Variants in INTS4 observed in about 807,000 individuals in gnomAD.
INTS4 encodes the protein integrator complex subunit 4.
INTS4 carries 70 observed loss-of-function variants against 119.5 expected under a neutral mutation model. The ratio of observed to expected loss-of-function variants is 0.59; its 90% CI spans 0.48 to 0.71. INTS4 has a LOEUF of 0.71. INTS4 is among the 30% of genes least tolerant of loss of function. The probability of loss-of-function intolerance (pLI) is 0.00; values close to 1 mark genes in which losing one functional copy is unlikely to be tolerated. For synonymous variants in INTS4, 316 were observed against 419.6 expected, an observed-to-expected ratio of 0.75 and a Z score of 3.02; for missense variants, 867 against 1,173.2, an observed-to-expected ratio of 0.74 and a Z score of 3.81.
intron 7 of INTS4, 82 bp from the exon 8 acceptor site, chr11:77,956,144 C>A: frequency 6.6e-7 from 1 of 1,510,182 alleles, no homozygotes; most frequent in Non-Finnish European, 8.8e-7. Flanking sequence ...CACAGTGGCT[C>A]ACATCTATAA....
chr11:77,874,861 A>T (rs1234278840), downstream of INTS4, among the ~76,000 whole-genome samples: 1 of 152,032 alleles, frequency 6.6e-6, no homozygotes, highest in Non-Finnish European at 1.5e-5. Flanking sequence ...ACATGGTGAA[A>T]CCCCATCTCT....
chr11:77,885,837 A>AAAGG (rs1951983085), intron 21 of INTS4, among the ~76,000 whole-genome samples: 1 of 151,886 alleles, frequency 6.6e-6, no homozygotes, highest in Admixed American at 6.6e-5. Flanking sequence ...AGAAAGAAAG[A>AAAGG]AAGAAAAAGA....
intron 22 of INTS4, among the ~76,000 whole-genome samples, chr11:77,882,743 C>T (rs777337360): frequency 6.6e-6 from 1 of 152,134 alleles, no homozygotes; most frequent in African/African-American, 2.4e-5. Flanking sequence ...TTCATAAAGT[C>T]ATCATTACCC....
chr11:77,987,442 G>T (rs991985719), intron 2 of INTS4: 7 of 285,638 alleles, frequency 2.5e-5, no homozygotes, highest in Middle Eastern at 4.9e-4. Context: ...AATGTTAACT[G>T]CTCTAAGAAG....
intron 22 of INTS4, among the ~76,000 whole-genome samples, chr11:77,882,508 C>T (rs1951832683): frequency 6.6e-6 from 1 of 152,182 alleles, no homozygotes; most frequent in Non-Finnish European, 1.5e-5. Context: ...TTTCCTTCCC[C>T]ATGTCCGGGA....
At chr11:77,963,457 G>C in intron 4 of INTS4, 1 of 430,158 alleles carries the variant, frequency 2.3e-6, no homozygotes, top group East Asian at 7.3e-5. Context: ...GATGCTATTT[G>C]GGTGTTACAC....
At chr11:77,960,482 T>C in intron 5 of INTS4, 91 bp from the exon 6 acceptor site, 1 of 1,011,440 alleles carries the variant, frequency 9.9e-7, no homozygotes, top group East Asian at 2.4e-5. Context: ...TCCCCTATTG[T>C]ATCAGGCTAA....
chr11:77,969,678 C>T (rs1232816297), intron 4 of INTS4, among the ~76,000 whole-genome samples: 1 of 151,274 alleles, frequency 6.6e-6, no homozygotes, highest in Non-Finnish European at 1.5e-5. Context: ...CTGGCCAATT[C>T]AATGCTTTTC....
In INTS4 at chr11:77,961,143, T is replaced by TAAAAAAA. The variant is rs11370501; in HGVS notation, c.472-12_472-6dup. 33 of 1,216,640 alleles carry TAAAAAAA rather than the reference T, an allele frequency of 2.7e-5. No individual in the cohort carries two copies. In the South Asian group the frequency reaches 2.7e-4, roughly 10 times the overall value. The allele number at this position is 1,216,640 out of a possible 1,614,324, so 75.4% of individuals were successfully genotyped here. On this transcript the variant is annotated splice_region_variant and splice_polypyrimidine_tract_variant and intron_variant, in intron 4 of 22. Coordinates refer to ENST00000534064, the MANE Select transcript of INTS4 (RefSeq NM_033547.4). ...ATGAGACGTATCTGTCAGATGCTAT[T>TAAAAAAA]AAAAAAAAAAAAAAAAAGAAAAAAA...
chr11:77,928,059 C>T (rs949603479), intron 11 of INTS4, among the ~76,000 whole-genome samples: 11 of 152,136 alleles, frequency 7.2e-5, no homozygotes, highest in African/African-American at 2.2e-4. Flanking sequence ...TTCAAGTGTC[C>T]ACTACAGCAC....
At chr11:77,929,646 T>C (rs1178838236) in intron 10 of INTS4, among the ~76,000 whole-genome samples, 1 of 152,142 alleles carries the variant, frequency 6.6e-6, no homozygotes, top group Non-Finnish European at 1.5e-5. Context: ...GGTCTGTTGA[T>C]TGTAGGCTAA....
chr11:77,886,972 A>C (rs999349216), intron 21 of INTS4, among the ~76,000 whole-genome samples: 2 of 152,000 alleles, frequency 1.3e-5, no homozygotes, highest in African/African-American at 4.8e-5. Context: ...AATTTATAGC[A>C]CTAAATGCCC....
rs1223731436 is a variant in INTS4 at position 77,948,569 on chromosome 11, C to A, written c.919-7318G>T. Among the ~76,000 whole-genome samples, 5 of 150,000 alleles carry A rather than the reference C, an allele frequency of 3.3e-5. No homozygotes were observed. The East Asian group carries it at 7.9e-4, about 24-fold the overall frequency. Reference sequence around the variant, plus strand: ...GGTTGGGGCACGAGAACCACTTGAACCCAGGAGGTGAAGGTTGCAGTGAGT... The same window carrying A: ...GGTTGGGGCACGAGAACCACTTGAAACCAGGAGGTGAAGGTTGCAGTGAGT... On this transcript the variant is annotated intron_variant, in intron 8 of 22. Coordinates refer to ENST00000534064, the MANE Select transcript of INTS4 (RefSeq NM_033547.4).
chr11:77,973,161 A>T (rs1271032689), intron 4 of INTS4, among the ~76,000 whole-genome samples: 1 of 152,138 alleles, frequency 6.6e-6, no homozygotes, highest in Non-Finnish European at 1.5e-5. Context: ...ATTATTTTTG[A>T]TGCTACTGTA....
At chr11:77,926,658 T>C (rs1019507795) in intron 11 of INTS4, among the ~76,000 whole-genome samples, 3 of 151,186 alleles carry the variant, frequency 2.0e-5, no homozygotes, top group African/African-American at 7.3e-5. Context: ...AAAAAAAATA[T>C]ATACAAAAAT....
chr11:77,963,515 AG>A (rs948625796), intron 4 of INTS4: 3 of 395,842 alleles, frequency 7.6e-6, no homozygotes, highest in Non-Finnish European at 1.4e-5. Flanking sequence ...TAATGGAGCA[AG>A]TAAGGAAACC....
At chr11:77,926,739 G>A (rs1417660398) in intron 11 of INTS4, among the ~76,000 whole-genome samples, 2 of 151,274 alleles carry the variant, frequency 1.3e-5, no homozygotes, top group African/African-American at 2.4e-5. Flanking sequence ...TTGAACCCAG[G>A]AGGTGAAGGT....
chr11:77,930,952 A>G (rs1953633618), intron 10 of INTS4, among the ~76,000 whole-genome samples: 1 of 152,244 alleles, frequency 6.6e-6, no homozygotes, highest in Non-Finnish European at 1.5e-5. Context: ...AATTGGATCC[A>G]GACTTAGCTA....
At chr11:77,912,825 G>C (rs1265956615) in intron 15 of INTS4, among the ~76,000 whole-genome samples, 2 of 152,052 alleles carry the variant, frequency 1.3e-5, no homozygotes, top group Admixed American at 6.5e-5. Flanking sequence ...CTACACAATA[G>C]GTGCTCTACC....
Sources: gnomAD v4.1 joint callset for allele counts (sites outside exome capture counted in the v4.1 genomes callset) on GRCh38, gnomAD v4.1.1 for gene constraint, MANE v1.5 for transcripts, NCBI Gene and HGNC (gene_info 2026-07-23, HGNC 2026-07-21) for gene names.